The following THUMPD2 variants were observed in gnomAD, a reference collection of about 807,000 sequenced individuals.
THUMPD2 encodes the protein U6 snRNA (guanine-N(2))-methyltransferase THUMPD2.
A neutral mutation model predicts 49.4 loss-of-function variants in THUMPD2; 56 were observed. The observed-to-expected ratio is 1.13, with a 90% CI of 0.91 to 1.41. The LOEUF is 1.41. Among genes scored for constraint, THUMPD2 ranks in the 40% most tolerant of loss-of-function variants. The pLI, the probability that THUMPD2 is intolerant of heterozygous loss-of-function variation, is 0.00. For missense variants in THUMPD2, 709 were observed against 594.5 expected, an observed-to-expected ratio of 1.19 and a Z score of -2.00; for synonymous variants, 237 against 205.2, an observed-to-expected ratio of 1.15 and a Z score of -1.32.
intron 9 of THUMPD2, among the ~76,000 whole-genome samples, chr2:39,739,952 A>G (rs1673683049): frequency 6.6e-6 from 1 of 152,238 alleles, no homozygotes; most frequent in Non-Finnish European, 1.5e-5. Context: ...CACTTCTAGG[A>G]AATTATCCTA....
rs779563753 is a variant in THUMPD2, at chr2:39,761,321, T to C, written c.891+10A>G. On this transcript the variant is annotated intron_variant, in intron 6 of 9. Coordinates refer to ENST00000505747, the MANE Select transcript of THUMPD2 (RefSeq NM_025264.5). Reference sequence around the variant, plus strand: ...CTTGCTATTAACAGGAAGGAAAACATTTTTCTTACCTTAATGTCAGCCAGA... The same window carrying C: ...CTTGCTATTAACAGGAAGGAAAACACTTTTCTTACCTTAATGTCAGCCAGA... 5 of 1,612,974 alleles carry C rather than the reference T, an allele frequency of 3.1e-6. No individual in the cohort carries two copies. Among genetic ancestry groups the C allele is most frequent in the Non-Finnish European group, 4.2e-6 (5 of 1,179,220 alleles).
At chr2:39,740,338 G>C (rs566371599) in intron 9 of THUMPD2, among the ~76,000 whole-genome samples, 30 of 152,270 alleles carry the variant, frequency 2.0e-4, no homozygotes, top group African/African-American at 6.7e-4. Flanking sequence ...TGTAACAACT[G>C]ATCAGAAAGG....
At chr2:39,740,774 G>A (rs913098711) in intron 9 of THUMPD2, among the ~76,000 whole-genome samples, 4 of 151,548 alleles carry the variant, frequency 2.6e-5, no homozygotes, top group East Asian at 1.9e-4. Context: ...TAGCTTGATC[G>A]CAGCCCACTG....
chr2:39,741,104 A>G (rs1673839397), intron 9 of THUMPD2, among the ~76,000 whole-genome samples: 1 of 152,204 alleles, frequency 6.6e-6, no homozygotes, highest in Middle Eastern at 3.2e-3. Flanking sequence ...CAGTGATGAT[A>G]ATAATAAGAA....
intron 1 of THUMPD2, among the ~76,000 whole-genome samples, chr2:39,772,347 T>C (rs891950508): frequency 2.0e-5 from 3 of 152,140 alleles, no homozygotes; most frequent in Non-Finnish European, 4.4e-5. Flanking sequence ...GGTCAACCAT[T>C]ATAGACTTTT....
In THUMPD2 at chr2:39,766,057, C is replaced by T. The variant is rs955911600; in HGVS notation, c.803G>A (p.Arg268Lys). The change falls in exon 5 of 10, where the codon AGG becomes AAG. Residue 268 changes from arginine (R) to lysine (K), a missense_variant and splice_region_variant. Arg to Lys is a conservative substitution (Grantham distance 26, BLOSUM62 2). Transcript: ENST00000505747. Reference sequence around the variant, plus strand: ...CAAACCGGAAGCTTAGAATATCTACCTGAACACAGGAATCCCCACCACAGA... The same window carrying T: ...CAAACCGGAAGCTTAGAATATCTACTTGAACACAGGAATCCCCACCACAGA... ...IYSVVGIPVF[R>K]VSLASRAYIK... is the part of the protein sequence containing the mutation. The T allele has an allele frequency of 1.9e-6, 3 of 1,580,782 alleles. No individual in the cohort carries two copies. The highest frequency in any genetic ancestry group is 2.6e-6 in the Non-Finnish European group (3 of 1,168,242).
chr2:39,754,321 A>C (rs574722126), intron 8 of THUMPD2, among the ~76,000 whole-genome samples: 67 of 152,326 alleles, frequency 4.4e-4, no homozygotes, highest in Non-Finnish European at 8.7e-4. Flanking sequence ...AAGGCTTAAA[A>C]ATAAAAGTCA....
intron 5 of THUMPD2, among the ~76,000 whole-genome samples, chr2:39,762,667 C>T (rs901128171): frequency 2.6e-5 from 4 of 151,130 alleles, no homozygotes; most frequent in African/African-American, 4.9e-5. Context: ...TTTGCTTCTA[C>T]GGGGTAAGCT....
At chr2:39,779,005 G>T in intron 1 of THUMPD2, 109 bp downstream of exon 1, 1 of 1,299,906 alleles carries the variant, frequency 7.7e-7, no homozygotes, top group Non-Finnish European at 9.8e-7. Context: ...ACCGTCGCGT[G>T]GAACAGAGAG....
chr2:39,774,337 T>C (rs1678785210), intron 1 of THUMPD2, among the ~76,000 whole-genome samples: 1 of 152,274 alleles, frequency 6.6e-6, no homozygotes, highest in Non-Finnish European at 1.5e-5. Context: ...CAGCGTTTAC[T>C]ATCAGAAGTG....
intron 6 of THUMPD2, among the ~76,000 whole-genome samples, chr2:39,758,367 C>T (rs1676399671): frequency 6.6e-6 from 1 of 152,166 alleles, no homozygotes; most frequent in African/African-American, 2.4e-5. Context: ...CAACTCTAAG[C>T]TTTTTGCTTC....
intron 5 of THUMPD2, among the ~76,000 whole-genome samples, chr2:39,763,053 G>A (rs957781114): frequency 2.6e-5 from 4 of 151,724 alleles, no homozygotes; most frequent in African/African-American, 9.7e-5. Flanking sequence ...TCAGAAGAAG[G>A]CACGTTCAGA....
chr2:39,765,241 C>A (rs1458400480), intron 5 of THUMPD2, among the ~76,000 whole-genome samples: 1 of 152,086 alleles, frequency 6.6e-6, no homozygotes, highest in Non-Finnish European at 1.5e-5. Context: ...CTCATGGCCA[C>A]CTCCGCCTCC....
intron 8 of THUMPD2, among the ~76,000 whole-genome samples, chr2:39,751,902 G>T (rs57028848): frequency 0.027 from 4,063 of 152,088 alleles, 174 homozygotes; most frequent in African/African-American, 0.092. Context: ...GGCCAGGCTG[G>T]TCTCGAATTC....
chr2:39,778,687 T>G (rs1487855451), intron 1 of THUMPD2, among the ~76,000 whole-genome samples: 2 of 152,240 alleles, frequency 1.3e-5, no homozygotes, highest in Non-Finnish European at 2.9e-5. Flanking sequence ...TATAATTTAA[T>G]TCTCACAACA....
chr2:39,760,823 T>C (rs557759808), intron 6 of THUMPD2, among the ~76,000 whole-genome samples: 2 of 152,258 alleles, frequency 1.3e-5, no homozygotes, highest in East Asian at 3.9e-4. Flanking sequence ...CCAAGCCACA[T>C]GACAGCTGAA....
chr2:39,779,272 C>T (rs1300450489), upstream of THUMPD2: 2 of 1,428,092 alleles, frequency 1.4e-6, no homozygotes, highest in East Asian at 3.3e-5. Flanking sequence ...GCCTTCGGGT[C>T]ACGTGGCCTC....
chr2:39,778,975 G>T lies in THUMPD2; in HGVS notation c.126+139C>A, dbSNP rs114812462. 277 of 1,163,582 alleles carry T rather than the reference G, an allele frequency of 2.4e-4. 1 individual carries two copies. In the African/African-American group the frequency reaches 4.2e-3, roughly 18 times the overall value. 72.1% of individuals were successfully genotyped at this position (1,163,582 alleles called of 1,614,324 possible). On this transcript the variant is annotated intron_variant, in intron 1 of 9. Coordinates refer to ENST00000505747, the MANE Select transcript of THUMPD2 (RefSeq NM_025264.5). ...TCGGCCGGAGCGGAAGCGCCTGCCAGTCAACCTCGGGGGTCGGCGACCGTC... is the reference window on the plus strand; with the variant it reads ...TCGGCCGGAGCGGAAGCGCCTGCCATTCAACCTCGGGGGTCGGCGACCGTC...
intron 2 of THUMPD2, 56 bp downstream of exon 2, chr2:39,771,449 G>A: frequency 6.6e-7 from 1 of 1,510,010 alleles, no homozygotes; most frequent in Non-Finnish European, 8.8e-7. Flanking sequence ...AGCAGAAAAT[G>A]TTGGAGTACA....
Sources: allele counts gnomAD v4.1 joint callset (sites outside exome capture counted in the v4.1 genomes callset), GRCh38; gene constraint gnomAD v4.1.1; transcripts MANE v1.5; gene names NCBI Gene and HGNC (gene_info 2026-07-23, HGNC 2026-07-21).